The following TGFBR3 variants were observed in gnomAD, a reference collection of about 807,000 sequenced individuals.
The protein encoded by TGFBR3 is transforming growth factor beta receptor type 3.
A neutral mutation model predicts 87.9 loss-of-function variants in TGFBR3; 46 were observed. The ratio of observed to expected loss-of-function variants is 0.52; its 90% CI spans 0.41 to 0.67. The LOEUF is 0.67. TGFBR3 is among the 30% of genes least tolerant of loss of function. The pLI is 0.00. For synonymous variants in TGFBR3, 381 were observed against 391.6 expected, an observed-to-expected ratio of 0.97 and a Z score of 0.32; for missense variants, 866 against 1,041.9, an observed-to-expected ratio of 0.83 and a Z score of 2.32.
intron 2 of TGFBR3, among the ~76,000 whole-genome samples, chr1:91,809,130 G>A (rs755388397): frequency 1.3e-5 from 2 of 152,174 alleles, no homozygotes; most frequent in Non-Finnish European, 2.9e-5. Flanking sequence ...TGATGGCAAA[G>A]TAAGACTTGC....
At chr1:91,845,317 G>A (rs6686126) in intron 2 of TGFBR3, among the ~76,000 whole-genome samples, 14,215 of 152,204 alleles carry the variant, frequency 0.093, 905 homozygotes, top group East Asian at 0.35. Context: ...AGAAAAAGAC[G>A]CTGAGGCCTG....
intron 5 of TGFBR3, among the ~76,000 whole-genome samples, chr1:91,733,209 A>G (rs1007110325): frequency 2.6e-5 from 4 of 152,142 alleles, no homozygotes; most frequent in Admixed American, 2.0e-4. Context: ...TCCCTTTTTG[A>G]GTTATGCTTA....
At chr1:91,841,686 C>G (rs1677287001) in intron 2 of TGFBR3, among the ~76,000 whole-genome samples, 1 of 149,906 alleles carries the variant, frequency 6.7e-6, no homozygotes, top group African/African-American at 2.5e-5. Context: ...CCCAGCTACT[C>G]AGGAGGTTGA....
chr1:91,726,771 A>G (rs889749972), intron 7 of TGFBR3, among the ~76,000 whole-genome samples: 64 of 139,240 alleles, frequency 4.6e-4, no homozygotes, highest in Admixed American at 9.1e-4. Flanking sequence ...TCAGTGCAGG[A>G]ACTAAAAGAG....
At chr1:91,707,186 AG>A (rs1036248196) in intron 14 of TGFBR3, among the ~76,000 whole-genome samples, 20 of 152,340 alleles carry the variant, frequency 1.3e-4, no homozygotes, top group African/African-American at 4.1e-4. Flanking sequence ...AGCTGGTGGT[AG>A]GGGGGTTCTC....
chr1:91,892,588 T>A (rs1056700690), intron 2 of TGFBR3, among the ~76,000 whole-genome samples: 5 of 152,196 alleles, frequency 3.3e-5, no homozygotes, highest in Non-Finnish European at 7.3e-5. Flanking sequence ...AGTTGCATTG[T>A]GAGTCCTTTA....
At chr1:91,778,206 T>C (rs1051903088) in intron 3 of TGFBR3, among the ~76,000 whole-genome samples, 1 of 151,878 alleles carries the variant, frequency 6.6e-6, no homozygotes, top group African/African-American at 2.4e-5. Flanking sequence ...ACACCCTTAG[T>C]TTACATTTCA....
At chr1:91,743,526 C>T (rs1221984753) in intron 4 of TGFBR3, among the ~76,000 whole-genome samples, 2 of 152,224 alleles carry the variant, frequency 1.3e-5, no homozygotes, top group African/African-American at 2.4e-5. Flanking sequence ...ACTCACTTTA[C>T]ATTTTATTTC....
At chr1:91,701,845 C>T (rs1180172362) in intron 14 of TGFBR3, among the ~76,000 whole-genome samples, 4 of 152,120 alleles carry the variant, frequency 2.6e-5, no homozygotes, top group Non-Finnish European at 4.4e-5. Context: ...TTTGTGCAGG[C>T]CCCATTTAAG....
At position 91,682,338 on chromosome 1, in the gene TGFBR3, A is replaced by T. The variant is rs1557653007; in HGVS notation, c.*1401T>A. 1 of 453,700 alleles carries T rather than the reference A, an allele frequency of 2.2e-6. No homozygotes were observed. The highest frequency in any genetic ancestry group is 7.0e-5 in the East Asian group (1 of 14,362). 28.1% of individuals were successfully genotyped at this position (453,700 alleles called of 1,614,324 possible). On this transcript the variant is annotated 3_prime_UTR_variant, in exon 17 of 17. Transcript: ENST00000212355. Reference sequence around the variant, plus strand: ...TGTTTGGGGGAAATTCTGGAAAAAGAATAATTTGCAATGAAGCTATCTTCA... The same window carrying T: ...TGTTTGGGGGAAATTCTGGAAAAAGTATAATTTGCAATGAAGCTATCTTCA...
intron 13 of TGFBR3, among the ~76,000 whole-genome samples, chr1:91,710,621 T>C (rs1429421369): frequency 6.6e-6 from 1 of 152,194 alleles, no homozygotes; most frequent in Non-Finnish European, 1.5e-5. Context: ...ATATTACCTA[T>C]AAGCAGCAAA....
intron 2 of TGFBR3, among the ~76,000 whole-genome samples, chr1:91,840,160 A>G (rs958022868): frequency 6.6e-6 from 1 of 151,752 alleles, no homozygotes; most frequent in Non-Finnish European, 1.5e-5. Context: ...AAAAAAAAAA[A>G]AAAATACAAA....
chr1:91,871,370 CAACA>C (rs936294959), intron 1 of TGFBR3, among the ~76,000 whole-genome samples: 1 of 152,170 alleles, frequency 6.6e-6, no homozygotes, highest in African/African-American at 2.4e-5. Flanking sequence ...TTCATTCACT[CAACA>C]AACATTTATT....
chr1:91,694,659 G>C (rs1557660778), intron 16 of TGFBR3, among the ~76,000 whole-genome samples: 1 of 152,130 alleles, frequency 6.6e-6, no homozygotes, highest in African/African-American at 2.4e-5. Flanking sequence ...CTTTCAGCTT[G>C]GCCCAAGGGG....
At chr1:91,727,409 G>C (rs1034059285) in intron 7 of TGFBR3, among the ~76,000 whole-genome samples, 1 of 152,200 alleles carries the variant, frequency 6.6e-6, no homozygotes, top group Non-Finnish European at 1.5e-5. Context: ...GGGGTTCAGA[G>C]AGGTTAGGGG....
chr1:91,685,314 CCTT>C (rs1363826860), intron 16 of TGFBR3, among the ~76,000 whole-genome samples: 3 of 139,282 alleles, frequency 2.2e-5, no homozygotes, highest in Admixed American at 1.4e-4. Context: ...AGAAGCACTG[CCTT>C]TTTTTTTTTT....
At chr1:91,844,528 C>G (rs1557740461) in intron 2 of TGFBR3, among the ~76,000 whole-genome samples, 2 of 152,214 alleles carry the variant, frequency 1.3e-5, no homozygotes. Context: ...ACAGATACTA[C>G]AGGCAACAAA....
intron 2 of TGFBR3, among the ~76,000 whole-genome samples, chr1:91,821,078 C>G (rs1676432817): frequency 6.6e-6 from 1 of 152,050 alleles, no homozygotes; most frequent in African/African-American, 2.4e-5. Context: ...TGACTGTAAT[C>G]CCAGCACTTG....
intron 12 of TGFBR3, 83 bp from the exon 13 acceptor site, chr1:91,712,625 G>A: frequency 7.6e-7 from 1 of 1,307,208 alleles, no homozygotes. Flanking sequence ...TGCCAAGACA[G>A]CCCTTCAGAT....
Sources: gnomAD v4.1 joint callset for allele counts (sites outside exome capture counted in the v4.1 genomes callset) on GRCh38, gnomAD v4.1.1 for gene constraint, MANE v1.5 for transcripts, NCBI Gene and HGNC (gene_info 2026-07-23, HGNC 2026-07-21) for gene names.